The following EYA2 variants were observed in gnomAD, a reference collection of about 807,000 sequenced individuals.
EYA2 encodes the protein protein phosphatase EYA2.
In EYA2, 31 loss-of-function variants were observed where a neutral mutation model predicts 69.2. The observed-to-expected ratio is 0.45, with a 90% confidence interval of 0.34 to 0.60. The LOEUF is 0.60. Among genes scored for constraint, EYA2 ranks in the 20% least tolerant of loss-of-function variants. EYA2 has a pLI of 0.02. For synonymous variants in EYA2, 257 were observed against 279.4 expected (o/e 0.92, Z 0.80); for missense variants, 622 against 701.2 (o/e 0.89, Z 1.28).
At chr20:47,167,938 C>T (rs964671044) in intron 10 of EYA2, among the ~76,000 whole-genome samples, 8 of 152,122 alleles carry the variant, frequency 5.3e-5, no homozygotes, top group African/African-American at 1.7e-4. Context: ...GGGATCAGAT[C>T]GCATGCTCAT....
At chr20:47,174,016 A>G (rs1358285424) in intron 12 of EYA2, among the ~76,000 whole-genome samples, 2 of 152,242 alleles carry the variant, frequency 1.3e-5, no homozygotes, top group African/African-American at 4.8e-5. Context: ...GCTCAGCCGT[A>G]GTCTAGAGAA....
chr20:46,981,659 A>G (rs1446680857), intron 1 of EYA2, among the ~76,000 whole-genome samples: 1 of 152,156 alleles, frequency 6.6e-6, no homozygotes, highest in Non-Finnish European at 1.5e-5. Flanking sequence ...CTTTTAAATT[A>G]TCATATATTG....
rs115433574 is a variant in EYA2, at chr20:47,061,751, G to A, written c.416-10434G>A. The stretch of plus-strand genomic sequence containing the variant: ...GATCCTACGCTCATCTCATTGCAGA[G>A]GGTGTAGGCGAGTTTGGGACTGTTG... On this transcript the variant is annotated intron_variant, in intron 5 of 15. Transcript: ENST00000327619. Among the ~76,000 whole-genome samples the A allele has an allele frequency of 4.5e-3, 690 of 152,306 alleles. 13 individuals carry two copies. Among genetic ancestry groups the A allele is most frequent in the African/African-American group, 0.016 (658 of 41,566 alleles).
intron 9 of EYA2, among the ~76,000 whole-genome samples, chr20:47,108,283 G>T (rs1038030101): frequency 1.3e-5 from 2 of 152,064 alleles, no homozygotes; most frequent in African/African-American, 4.8e-5. Flanking sequence ...CTTAGTTCCC[G>T]TGAGAACTCG....
At chr20:47,173,122 G>A (rs753646385) in intron 12 of EYA2, among the ~76,000 whole-genome samples, 57 of 152,236 alleles carry the variant, frequency 3.7e-4, no homozygotes, top group African/African-American at 1.3e-3. Flanking sequence ...CGGGGTGGAC[G>A]TGGGGGCGGA....
At chr20:47,108,127 A>G (rs943771187) in intron 9 of EYA2, among the ~76,000 whole-genome samples, 1 of 152,224 alleles carries the variant, frequency 6.6e-6, no homozygotes, top group African/African-American at 2.4e-5. Flanking sequence ...CCCTGGTTTC[A>G]GTATGGTTTG....
At chr20:47,163,503 G>A (rs141955393) in intron 10 of EYA2, among the ~76,000 whole-genome samples, 2,816 of 151,878 alleles carry the variant, frequency 0.019, 97 homozygotes, top group African/African-American at 0.064. Flanking sequence ...GTTCAAGACC[G>A]GCCTGACCAA....
chr20:46,971,424 C>T (rs1980140266), intron 1 of EYA2, among the ~76,000 whole-genome samples: 1 of 152,144 alleles, frequency 6.6e-6, no homozygotes, highest in Admixed American at 6.5e-5. Flanking sequence ...AGAGGAAGGT[C>T]CACCCCATTC....
rs940178547 is a variant in EYA2 at position 47,014,068 on chromosome 20, A to G, written c.299-2113A>G. 2.6e-5 allele frequency among the ~76,000 whole-genome samples: 4 copies of G among 152,346 alleles called. No homozygotes were observed. In the East Asian group the frequency reaches 7.7e-4, roughly 29 times the overall value. On this transcript the variant is annotated intron_variant, in intron 4 of 15. Coordinates refer to ENST00000327619, the MANE Select transcript of EYA2 (RefSeq NM_005244.5). The stretch of plus-strand genomic sequence containing the variant: ...CCTGTTTTGTGGGATTGATGTGAGG[A>G]TAAAAGAGATGTGTTCTTTAATTAC...
chr20:47,077,210 T>C (rs141161698), intron 7 of EYA2, among the ~76,000 whole-genome samples: 21 of 152,346 alleles, frequency 1.4e-4, no homozygotes, highest in African/African-American at 4.3e-4. Flanking sequence ...ACCTACACTA[T>C]GAGCAACATG....
At chr20:47,107,184 A>T (rs2032606386) in intron 9 of EYA2, among the ~76,000 whole-genome samples, 1 of 152,126 alleles carries the variant, frequency 6.6e-6, no homozygotes, top group Non-Finnish European at 1.5e-5. Flanking sequence ...GCCCTCATGG[A>T]GCTGATATCC....
At chr20:47,071,144 G>A (rs2031300465) in intron 5 of EYA2, among the ~76,000 whole-genome samples, 1 of 152,092 alleles carries the variant, frequency 6.6e-6, no homozygotes, top group Admixed American at 6.5e-5. Flanking sequence ...CTAGTAGCTG[G>A]GATTACAGGC....
chr20:47,000,082 G>GT (rs1982264438), intron 2 of EYA2, among the ~76,000 whole-genome samples: 1 of 152,188 alleles, frequency 6.6e-6, no homozygotes, highest in African/African-American at 2.4e-5. Context: ...TACTTCCTGT[G>GT]TGGCCCTGGG....
intron 1 of EYA2, among the ~76,000 whole-genome samples, chr20:46,968,198 C>T (rs545208685): frequency 6.6e-6 from 1 of 152,298 alleles, no homozygotes; most frequent in South Asian, 2.1e-4. Flanking sequence ...AAGAGACAGG[C>T]GAAGGTGCCC....
intron 1 of EYA2, among the ~76,000 whole-genome samples, chr20:46,973,374 T>G (rs7354171): frequency 6.6e-6 from 1 of 152,238 alleles, no homozygotes; most frequent in Admixed American, 6.5e-5. Context: ...ATGTAGGCGA[T>G]ACAATAAGCA....
chr20:47,014,009 C>G (rs774554754), intron 4 of EYA2, among the ~76,000 whole-genome samples: 8 of 152,154 alleles, frequency 5.3e-5, no homozygotes, highest in African/African-American at 1.4e-4. Flanking sequence ...AATCTCAATT[C>G]CCACATCTTT....
chr20:47,070,214 A>G lies in EYA2; in HGVS notation c.416-1971A>G, dbSNP rs142111224. Among the ~76,000 whole-genome samples, 317 of 152,318 alleles carry G rather than the reference A, an allele frequency of 2.1e-3. 4 individuals carry two copies. The highest frequency in any genetic ancestry group is 0.018 in the Admixed American group (276 of 15,298). On this transcript the variant is annotated intron_variant, in intron 5 of 15. Coordinates refer to ENST00000327619, the MANE Select transcript of EYA2 (RefSeq NM_005244.5). ...AGGCCAAACCTAATTTTTTAAAAAG[A>G]TTTGACTAGGGTTTGATGGGAAAAA...
At chr20:47,091,576 C>CAAAAAA (rs11313572) in intron 8 of EYA2, among the ~76,000 whole-genome samples, 1 of 83,280 alleles carries the variant, frequency 1.2e-5, no homozygotes, top group African/African-American at 4.4e-5. Context: ...CCATCTCTAC[C>CAAAAAA]AAAAAAAAAA....
intron 5 of EYA2, among the ~76,000 whole-genome samples, chr20:47,062,252 C>T (rs534416750): frequency 6.6e-6 from 1 of 152,316 alleles, no homozygotes; most frequent in South Asian, 2.1e-4. Flanking sequence ...ATGTACACAT[C>T]CTCAGCATTT....
Sources: allele counts gnomAD v4.1 joint callset (sites outside exome capture counted in the v4.1 genomes callset), GRCh38; gene constraint gnomAD v4.1.1; transcripts MANE v1.5; gene names NCBI Gene and HGNC (gene_info 2026-07-23, HGNC 2026-07-21).